The following NKAIN2 variants were observed in gnomAD, a reference collection of about 807,000 sequenced individuals.
NKAIN2 encodes sodium/potassium-transporting ATPase subunit beta-1-interacting protein 2.
In NKAIN2, 14 loss-of-function variants were observed where a neutral mutation model predicts 32.6. The observed-to-expected ratio is 0.43, with a 90% CI of 0.28 to 0.67. NKAIN2 has a LOEUF of 0.67. Among genes scored for constraint, NKAIN2 ranks in the 30% least tolerant of loss-of-function variants. The pLI is 0.17. For missense variants in NKAIN2, 198 were observed against 258.3 expected, an observed-to-expected ratio of 0.77 and a Z score of 1.60; for synonymous variants, 80 against 87.2, an observed-to-expected ratio of 0.92 and a Z score of 0.46.
intron 4 of NKAIN2, among the ~76,000 whole-genome samples, chr6:124,694,729 A>T (rs2114549020): frequency 1.3e-5 from 2 of 152,346 alleles, no homozygotes; most frequent in East Asian, 3.9e-4. Flanking sequence ...AGAAACGTGT[A>T]GCTGGAAGCC....
chr6:124,462,089 C>A (rs913685524), intron 3 of NKAIN2, among the ~76,000 whole-genome samples: 1 of 151,774 alleles, frequency 6.6e-6, no homozygotes, highest in Non-Finnish European at 1.5e-5. Flanking sequence ...AAAATACATC[C>A]ATTTTGGAAT....
At chr6:123,936,040 C>T (rs781619490) in intron 1 of NKAIN2, among the ~76,000 whole-genome samples, 5 of 152,096 alleles carry the variant, frequency 3.3e-5, no homozygotes, top group Admixed American at 6.6e-5. Context: ...CAGTGACAAC[C>T]GAATTGACAA....
chr6:124,226,319 T>A (rs1257097527), intron 1 of NKAIN2, among the ~76,000 whole-genome samples: 2 of 152,064 alleles, frequency 1.3e-5, no homozygotes, highest in African/African-American at 4.8e-5. Context: ...CTCATCAGCA[T>A]CTGCCTATTT....
chr6:124,585,176 G>A (rs1290744155), intron 3 of NKAIN2, among the ~76,000 whole-genome samples: 2 of 152,120 alleles, frequency 1.3e-5, no homozygotes, highest in Non-Finnish European at 2.9e-5. Context: ...TAAAACTGGA[G>A]GTCATTATAA....
At chr6:124,787,143 C>A (rs1779540848) in intron 4 of NKAIN2, among the ~76,000 whole-genome samples, 2 of 152,252 alleles carry the variant, frequency 1.3e-5, no homozygotes, top group Non-Finnish European at 2.9e-5. Context: ...GAGGAAGCAG[C>A]ACCTTTATTC....
chr6:124,550,843 T>C (rs1413503703), intron 3 of NKAIN2, among the ~76,000 whole-genome samples: 1 of 151,954 alleles, frequency 6.6e-6, no homozygotes, highest in Non-Finnish European at 1.5e-5. Flanking sequence ...CGGTAGAAAA[T>C]GAGGAAGTTT....
intron 1 of NKAIN2, among the ~76,000 whole-genome samples, chr6:124,158,266 T>G (rs544381559): frequency 6.6e-6 from 1 of 152,230 alleles, no homozygotes; most frequent in Non-Finnish European, 1.5e-5. Flanking sequence ...TCACCTCTTC[T>G]TATAAGGATG....
intron 1 of NKAIN2, among the ~76,000 whole-genome samples, chr6:124,151,118 T>C (rs1488481928): frequency 6.6e-6 from 1 of 151,994 alleles, no homozygotes; most frequent in Non-Finnish European, 1.5e-5. Flanking sequence ...TCATTCCTAA[T>C]AGAAGATTGA....
At chr6:124,093,692 C>T (rs1366775135) in intron 1 of NKAIN2, among the ~76,000 whole-genome samples, 1 of 152,054 alleles carries the variant, frequency 6.6e-6, no homozygotes. Context: ...ACATTTACGA[C>T]AGGAAAATTG....
intron 3 of NKAIN2, among the ~76,000 whole-genome samples, chr6:124,365,450 A>G (rs1026210705): frequency 2.6e-5 from 4 of 151,950 alleles, no homozygotes; most frequent in Non-Finnish European, 5.9e-5. Flanking sequence ...AAAGGGGGAA[A>G]TGTAATAATG....
chr6:123,883,432 A>C (rs1047159659), intron 1 of NKAIN2, among the ~76,000 whole-genome samples: 2 of 151,392 alleles, frequency 1.3e-5, no homozygotes, highest in Non-Finnish European at 2.9e-5. Flanking sequence ...GGCGTGAGCC[A>C]CTGCACCCGG....
intron 1 of NKAIN2, among the ~76,000 whole-genome samples, chr6:124,033,262 T>A (rs947433523): frequency 6.6e-5 from 10 of 152,140 alleles, no homozygotes; most frequent in Non-Finnish European, 1.3e-4. Context: ...TAGAGTTAAT[T>A]GTGTTGCATT....
chr6:123,853,716 G>A (rs1186839707), intron 1 of NKAIN2, among the ~76,000 whole-genome samples: 3 of 151,872 alleles, frequency 2.0e-5, no homozygotes, highest in Non-Finnish European at 4.4e-5. Context: ...ATTCATTTAT[G>A]TGATTTCTAA....
intron 4 of NKAIN2, among the ~76,000 whole-genome samples, chr6:124,765,180 T>C (rs1778455338): frequency 6.6e-6 from 1 of 152,216 alleles, no homozygotes; most frequent in Non-Finnish European, 1.5e-5. Context: ...TCTTTTGAAA[T>C]GACCTGTGAA....
intron 3 of NKAIN2, among the ~76,000 whole-genome samples, chr6:124,384,357 G>A (rs6939050): frequency 0.3 from 45,391 of 152,014 alleles, 7,495 homozygotes; most frequent in South Asian, 0.44. Context: ...GAGTTGAGAA[G>A]TATTCAAGCA....
chr6:124,734,946 AG>A (rs1341167424), intron 4 of NKAIN2, among the ~76,000 whole-genome samples: 2 of 151,898 alleles, frequency 1.3e-5, no homozygotes, highest in African/African-American at 4.8e-5. Context: ...ATATCTGCAA[AG>A]TTTCCTTCAT....
intron 1 of NKAIN2, among the ~76,000 whole-genome samples, chr6:124,241,586 C>G (rs1230043491): frequency 6.6e-6 from 1 of 152,088 alleles, no homozygotes; most frequent in Non-Finnish European, 1.5e-5. Flanking sequence ...AGAAATAATG[C>G]CACACATCTA....
intron 1 of NKAIN2, among the ~76,000 whole-genome samples, chr6:123,953,706 G>A (rs1161711061): frequency 1.3e-5 from 2 of 152,158 alleles, no homozygotes; most frequent in Non-Finnish European, 2.9e-5. Flanking sequence ...CCTTTGAGTT[G>A]GAGCCAGGCC....
chr6:124,537,011 C>T (rs1023953624), intron 3 of NKAIN2, among the ~76,000 whole-genome samples: 1 of 152,148 alleles, frequency 6.6e-6, no homozygotes, highest in African/African-American at 2.4e-5. Flanking sequence ...CTAATGTAAA[C>T]ACAGCTGCCT....
Sources: gnomAD v4.1 joint callset for allele counts (sites outside exome capture counted in the v4.1 genomes callset) on GRCh38, gnomAD v4.1.1 for gene constraint, MANE v1.5 for transcripts, NCBI Gene and HGNC (gene_info 2026-07-23, HGNC 2026-07-21) for gene names.